Variants in DHX35 observed in about 807,000 individuals in gnomAD.
DHX35 encodes the protein DEAH-box helicase 35.
Under a neutral mutation model 99.6 loss-of-function variants are expected in DHX35, and 84 were observed. The observed-to-expected ratio is 0.84, with a 90% confidence interval of 0.71 to 1.01. The LOEUF (loss-of-function observed/expected upper bound fraction) is 1.01, where lower values mean the gene tolerates loss of function less well. Among genes scored for constraint, DHX35 ranks in the 50% least tolerant of loss-of-function variants. The probability of loss-of-function intolerance (pLI) is 0.00; values close to 1 mark genes in which losing one functional copy is unlikely to be tolerated. For synonymous variants in DHX35, 331 were observed against 316.2 expected, an observed-to-expected ratio of 1.05 and a Z score of -0.50; for missense variants, 852 against 888.5, an observed-to-expected ratio of 0.96 and a Z score of 0.52.
At chr20:38,995,819 C>T (rs1465027100) in intron 8 of DHX35, among the ~76,000 whole-genome samples, 3 of 152,026 alleles carry the variant, frequency 2.0e-5, no homozygotes, top group African/African-American at 7.3e-5. Context: ...GATGGACAGC[C>T]GTTTTCCAGA....
intron 3 of DHX35, among the ~76,000 whole-genome samples, chr20:38,976,325 C>T (rs897601449): frequency 2.1e-5 from 3 of 140,830 alleles, no homozygotes; most frequent in African/African-American, 8.3e-5. Context: ...CATGCATTTA[C>T]AGAGAAGTGT....
chr20:38,971,638 T>A (rs1180578002), intron 2 of DHX35, among the ~76,000 whole-genome samples: 1 of 152,218 alleles, frequency 6.6e-6, no homozygotes, highest in Non-Finnish European at 1.5e-5. Context: ...CTTCTTGTTT[T>A]GTTTTGTTTT....
chr20:39,031,437 C>T (rs186907776), intron 20 of DHX35, among the ~76,000 whole-genome samples: 1 of 151,708 alleles, frequency 6.6e-6, no homozygotes, highest in Admixed American at 6.6e-5. Flanking sequence ...CCCAGGTCCA[C>T]GTGATTCTCC....
At chr20:38,987,686 C>CT (rs1460022288) in intron 4 of DHX35, among the ~76,000 whole-genome samples, 2 of 152,136 alleles carry the variant, frequency 1.3e-5, no homozygotes, top group African/African-American at 2.4e-5. Context: ...TCATTTTTCT[C>CT]TTTCCTGCAT....
chr20:38,965,088 G>A (rs1162117943), intron 1 of DHX35, among the ~76,000 whole-genome samples: 1 of 135,044 alleles, frequency 7.4e-6, no homozygotes, highest in Non-Finnish European at 1.6e-5. Flanking sequence ...AGGCCTAGGA[G>A]CCAGGCATCA....
intron 18 of DHX35, among the ~76,000 whole-genome samples, chr20:39,027,041 C>T (rs950357785): frequency 2.0e-5 from 3 of 152,138 alleles, no homozygotes; most frequent in African/African-American, 7.2e-5. Flanking sequence ...CTTTGGAGGG[C>T]TACCGGCCAT....
At position 39,038,511 on chromosome 20, in the gene DHX35, A is replaced by C; in HGVS notation, c.2080A>C (p.Lys694Gln). Residue 694 changes from lysine (K) to glutamine (Q), a missense_variant, in exon 22 of 22, where the codon AAA becomes CAA. Lys to Gln is a moderately conservative substitution (Grantham distance 53). Coordinates refer to ENST00000252011, the MANE Select transcript of DHX35 (RefSeq NM_021931.4). ...FYQQGTHLSLKAKRAKVQDP is the reference protein window; with the variant it reads ...FYQQGTHLSLQAKRAKVQDP ...TCTTCTGTTGCAGCACCTGTCTCTG[A>C]AAGCCAAAAGGGCCAAGGTCCAGGA... 1 of 1,613,546 alleles carries C rather than the reference A, an allele frequency of 6.2e-7. No homozygotes were observed. Among genetic ancestry groups the C allele is most frequent in the Non-Finnish European group, 8.5e-7 (1 of 1,180,020 alleles).
In DHX35 at chr20:38,992,410, T is replaced by A. The variant is rs147455645; in HGVS notation, c.567T>A (p.Ile189=). 6.2e-7 allele frequency: 1 copy of A among 1,614,120 alleles called. No individual in the cohort carries two copies. Among genetic ancestry groups the A allele is most frequent in the Admixed American group, 1.7e-5 (1 of 60,024 alleles). Residue 189 remains isoleucine (I), a synonymous_variant, in exon 7 of 22, where the codon ATT becomes ATA. Coordinates refer to ENST00000252011, the MANE Select transcript of DHX35 (RefSeq NM_021931.4). ...HERTLYTDIA[I]GLLKKIQKKR... Reference sequence around the variant, plus strand: ...GGACCTTGTACACTGACATTGCCATTGGCTTGCTAAAAAAGGTATGACTTC... The same window carrying A: ...GGACCTTGTACACTGACATTGCCATAGGCTTGCTAAAAAAGGTATGACTTC...
At chr20:39,001,326 C>G (rs576496026) in intron 8 of DHX35, among the ~76,000 whole-genome samples, 31 of 152,296 alleles carry the variant, frequency 2.0e-4, no homozygotes, top group African/African-American at 7.5e-4. Flanking sequence ...TCTGTGTTTT[C>G]CAGATAGAGT....
chr20:39,019,045 A>AT lies in DHX35; in HGVS notation c.1498+150dup, dbSNP rs1225081428. ...TAACATAACATTTATTGTTTTAACC[A>AT]TTTTATGTGTGTAGTTCTGTGATAC... is the stretch of plus-strand genomic sequence containing the variant. On this transcript the variant is annotated intron_variant, in intron 15 of 21. Transcript: ENST00000252011. The AT allele has an allele frequency of 9.9e-5, 69 of 700,250 alleles. 1 individual carries two copies. In the Middle Eastern group the frequency reaches 1.0e-3, roughly 10 times the overall value. The allele number at this position is 700,250 out of a possible 1,614,324, so 43.4% of individuals were successfully genotyped here.
intron 21 of DHX35, 77 bp downstream of exon 21, chr20:39,034,394 A>G: frequency 8.2e-7 from 1 of 1,225,832 alleles, no homozygotes; most frequent in South Asian, 1.2e-5. Context: ...TTTTTTCTCC[A>G]ATTTAATGCC....
rs572991309 is a variant in DHX35, at chr20:39,001,783, A to G, written c.696A>G (p.Thr232=). 3 of 1,613,696 alleles carry G rather than the reference A, an allele frequency of 1.9e-6. No individual in the cohort carries two copies. The highest frequency in any genetic ancestry group is 1.1e-5 in the South Asian group (1 of 90,826). Residue 232 remains threonine (T), a synonymous_variant, in exon 9 of 22, where the codon ACA becomes ACG. Transcript: ENST00000252011. Reference sequence around the variant, plus strand: ...AAACCAGTGATCCAGCAAGGGATACATGTGTGATCCTTACAGTGGAAGGGA... The same window carrying G: ...AAACCAGTGATCCAGCAAGGGATACGTGTGTGATCCTTACAGTGGAAGGGA... ...QNETSDPARD[T]CVILTVEGRT...
At chr20:39,008,241 T>A (rs1018449081) in intron 12 of DHX35, among the ~76,000 whole-genome samples, 1 of 152,262 alleles carries the variant, frequency 6.6e-6, no homozygotes, top group Non-Finnish European at 1.5e-5. Flanking sequence ...TGACTAATAT[T>A]CTGTTGTATA....
At chr20:38,988,198 T>C (rs986973411) in intron 4 of DHX35, among the ~76,000 whole-genome samples, 2 of 152,258 alleles carry the variant, frequency 1.3e-5, no homozygotes. Context: ...TAACATTTTC[T>C]CATTGGCTTT....
chr20:38,997,106 T>G (rs2145885400), intron 8 of DHX35, among the ~76,000 whole-genome samples: 1 of 152,182 alleles, frequency 6.6e-6, no homozygotes, highest in African/African-American at 2.4e-5. Flanking sequence ...AGTCTCACTG[T>G]CTTGCCCAGG....
At chr20:39,019,190 G>C (rs946662895) in intron 15 of DHX35, among the ~76,000 whole-genome samples, 3 of 151,818 alleles carry the variant, frequency 2.0e-5, no homozygotes, top group Admixed American at 1.3e-4. Flanking sequence ...CCTCTGCCCC[G>C]CCCCTGGCAA....
intron 3 of DHX35, among the ~76,000 whole-genome samples, chr20:38,977,195 G>A (rs979885151): frequency 6.6e-6 from 1 of 152,098 alleles, no homozygotes; most frequent in Non-Finnish European, 1.5e-5. Context: ...GGCTGTACTA[G>A]TTTACATTGT....
intron 13 of DHX35, among the ~76,000 whole-genome samples, chr20:39,010,950 A>C (rs1247214064): frequency 6.6e-6 from 1 of 152,160 alleles, no homozygotes; most frequent in East Asian, 1.9e-4. Context: ...TGCTTTACCA[A>C]TGTCAACTCT....
chr20:38,995,966 T>G (rs1684258809), intron 8 of DHX35, among the ~76,000 whole-genome samples: 1 of 152,198 alleles, frequency 6.6e-6, no homozygotes, highest in African/African-American at 2.4e-5. Context: ...TCTCTGACTT[T>G]ATCTTCTTCC....
Sources: allele counts gnomAD v4.1 joint callset (sites outside exome capture counted in the v4.1 genomes callset), GRCh38; gene constraint gnomAD v4.1.1; transcripts MANE v1.5; gene names NCBI Gene and HGNC (gene_info 2026-07-23, HGNC 2026-07-21).